Variants in EEF1B2 observed in about 807,000 individuals in gnomAD.
EEF1B2 encodes the protein elongation factor 1-beta.
In EEF1B2, 12 loss-of-function variants were observed where a neutral mutation model predicts 28.3. The ratio of observed to expected loss-of-function variants is 0.42; its 90% CI spans 0.27 to 0.69. The LOEUF (loss-of-function observed/expected upper bound fraction) is 0.69, where lower values mean the gene tolerates loss of function less well. EEF1B2 is among the 30% of genes least tolerant of loss of function. EEF1B2 has a pLI of 0.22. For synonymous variants in EEF1B2, 83 were observed against 99.9 expected (o/e 0.83, Z 1.01); for missense variants, 234 against 272.6 (o/e 0.86, Z 1.00).
intron 2 of EEF1B2, 30 bp from the exon 3 acceptor site, chr2:206,161,316 A>C (rs770729369): frequency 1.6e-5 from 25 of 1,612,438 alleles, no homozygotes; most frequent in Middle Eastern, 1.9e-4. Flanking sequence ...ATACTAGCTC[A>C]ATAGTGGTTG....
chr2:206,161,402 C>A lies in EEF1B2; in HGVS notation c.260C>A (p.Thr87Asn), dbSNP rs11546379. 6.2e-7 allele frequency: 1 copy of A among 1,614,122 alleles called. No individual in the cohort carries two copies. The highest frequency in any genetic ancestry group is 1.7e-5 in the Admixed American group (1 of 60,014). ...GKYGPADVED[T>N]TGSGATDSKD... ...TATGGTCCTGCCGATGTGGAAGACA[C>A]TACAGGAAGTGGAGCTACAGATAGT... The change falls in exon 3 of 6, where the codon ACT becomes AAT. Residue 87 changes from threonine to asparagine, a missense_variant. This residue lies in a region of EEF1B2 where 178 missense variants were observed against 173.3 expected (regional missense o/e 1.03). Coordinates refer to ENST00000392222, the MANE Select transcript of EEF1B2 (RefSeq NM_001959.4).
intron 3 of EEF1B2, chr2:206,161,764 G>C: frequency 2.1e-6 from 1 of 481,402 alleles, no homozygotes; most frequent in Non-Finnish European, 3.6e-6. Context: ...GCGAGACTCC[G>C]TCCCAAAAAA....
At chr2:206,161,793 G>A (rs1687941984) in intron 3 of EEF1B2, 3 of 649,028 alleles carry the variant, frequency 4.6e-6, no homozygotes, top group Admixed American at 2.2e-5. Context: ...AGAATACATC[G>A]ATCAGCAATT....
rs191829310 is a variant in EEF1B2, at chr2:206,162,617, G to A, written c.523+3G>A. 1 of 1,602,662 alleles carries A rather than the reference G, an allele frequency of 6.2e-7. No homozygotes were observed. The highest frequency in any genetic ancestry group is 2.2e-5 in the East Asian group (1 of 44,838). On this transcript the variant is annotated splice_donor_region_variant and intron_variant, in intron 5 of 5. Transcript: ENST00000392222. ...AGACGGCTTAGTCTGGGGCTCATGT[G>A]AGTTTAGGCTTTGCCTTTTTTTTTT... is the stretch of plus-strand genomic sequence containing the variant.
At chr2:206,161,318 T>C (rs1687921954) in intron 2 of EEF1B2, 28 bp from the exon 3 acceptor site, 18 of 1,612,446 alleles carry the variant, frequency 1.1e-5, no homozygotes, top group Non-Finnish European at 1.5e-5. Context: ...ACTAGCTCAA[T>C]AGTGGTTGAA....
At chr2:206,159,884 T>C (rs1304711619), upstream of EEF1B2, 13 of 1,410,226 alleles carry the variant, frequency 9.2e-6, no homozygotes, top group South Asian at 1.3e-4. Flanking sequence ...AATTTTCCGG[T>C]CTCTTCGGGT....
chr2:206,159,733 C>T (rs1576011915), upstream of EEF1B2: 2 of 416,590 alleles, frequency 4.8e-6, no homozygotes, highest in South Asian at 1.0e-4. Context: ...CCAAACGCAA[C>T]GAAAGGTCCA....
In EEF1B2 at chr2:206,159,910, C is replaced by A. The variant is rs1687850561; in HGVS notation, c.-70C>A. The A allele has an allele frequency of 2.5e-6, 4 of 1,568,640 alleles. No homozygotes were observed. Among genetic ancestry groups the A allele is most frequent in the Non-Finnish European group, 3.5e-6 (4 of 1,155,714 alleles). On this transcript the variant is annotated 5_prime_UTR_variant, in exon 1 of 6. Coordinates refer to ENST00000392222, the MANE Select transcript of EEF1B2 (RefSeq NM_001959.4). Reference sequence around the variant, plus strand: ...CTCTTCGGGTCCTTTTTCCTCTCTTCAGCGTGGGGCGCCCACAATTTGCGC... The same window carrying A: ...CTCTTCGGGTCCTTTTTCCTCTCTTAAGCGTGGGGCGCCCACAATTTGCGC...
chr2:206,162,453 A>G, intron 4 of EEF1B2, 36 bp from the exon 5 acceptor site: 1 of 1,609,838 alleles, frequency 6.2e-7, no homozygotes, highest in Non-Finnish European at 8.5e-7. Context: ...AAAAAATACA[A>G]TTCATTATTT....
chr2:206,159,933 C>T lies in EEF1B2; in HGVS notation c.-47C>T, dbSNP rs535986547. On this transcript the variant is annotated 5_prime_UTR_variant, in exon 1 of 6. Coordinates refer to ENST00000392222, the MANE Select transcript of EEF1B2 (RefSeq NM_001959.4). ...TTCAGCGTGGGGCGCCCACAATTTG[C>T]GCGCTCTCTTTCTGCTGCTCCCCAG... The T allele has an allele frequency of 5.6e-6, 9 of 1,593,020 alleles. 1 individual carries two copies. In the African/African-American group the frequency reaches 9.5e-5, roughly 17 times the overall value.
chr2:206,160,207 C>G, intron 1 of EEF1B2, 148 bp downstream of exon 1: 1 of 1,081,906 alleles, frequency 9.2e-7, no homozygotes, highest in Non-Finnish European at 1.3e-6. Context: ...CCGTTGCCGT[C>G]TCCCAAGGCC....
At chr2:206,161,783 A>T in intron 3 of EEF1B2, 3 of 623,722 alleles carry the variant, frequency 4.8e-6, no homozygotes, top group East Asian at 2.9e-5. Context: ...AAAAAAAAAA[A>T]GAATACATCG....
rs1004150430 is a variant in EEF1B2, at chr2:206,162,413, T to C, written c.398-76T>C. The stretch of plus-strand genomic sequence containing the variant: ...GAGATAGTCTCAAAACAAATTGAGA[T>C]GGATTTGTTTGTGTCTTGGAGTAGG... On this transcript the variant is annotated intron_variant, in intron 4 of 5. Coordinates refer to ENST00000392222, the MANE Select transcript of EEF1B2 (RefSeq NM_001959.4). 6.2e-6 allele frequency: 10 copies of C among 1,603,894 alleles called. No homozygotes were observed. In the African/African-American group the frequency reaches 9.4e-5, roughly 15 times the overall value.
upstream of EEF1B2, chr2:206,159,830 C>T (rs945819596): frequency 7.5e-6 from 6 of 794,868 alleles, no homozygotes; most frequent in Middle Eastern, 4.0e-4. Flanking sequence ...CTTTAACCTT[C>T]GGTCCGGCGC....
rs1056996351 is a variant in EEF1B2, at chr2:206,162,692, CTT to C, written c.524-34_524-33del. On this transcript the variant is annotated intron_variant, in intron 5 of 5. Transcript: ENST00000392222. ...TACAGTTTCAACCTTTCCTACAAGA[CTT>C]TTCTAACTAGGATTTTTCTTAATGC... 20 of 1,610,942 alleles carry C rather than the reference CTT, an allele frequency of 1.2e-5. No homozygotes were observed. The African/African-American group carries it at 2.4e-4, about 19-fold the overall frequency.
Position 206,160,656 on chromosome 2 carries a change from G to A in EEF1B2, c.149G>A (p.Cys50Tyr). 6.2e-7 allele frequency: 1 copy of A among 1,614,098 alleles called. No homozygotes were observed. ...AVSSPPPADL[C>Y]HALRWYNHIK... Reference sequence around the variant, plus strand: ...TCCAGCCCACCGCCTGCCGACTTGTGTCATGCCCTACGTTGGTATAATCAC... The same window carrying A: ...TCCAGCCCACCGCCTGCCGACTTGTATCATGCCCTACGTTGGTATAATCAC... The change falls in exon 2 of 6, where the codon TGT (cysteine) becomes TAT (tyrosine). Residue 50 changes from cysteine to tyrosine, a missense_variant. Physicochemically the swap from Cys to Tyr is radical, Grantham distance 194. Coordinates refer to ENST00000392222, the MANE Select transcript of EEF1B2 (RefSeq NM_001959.4).
chr2:206,161,899 T>C (rs1017746287), intron 3 of EEF1B2, 139 bp from the exon 4 acceptor site: 10 of 802,144 alleles, frequency 1.2e-5, no homozygotes, highest in Middle Eastern at 2.2e-4. Flanking sequence ...ATGAATAAAA[T>C]CAAATCACCA....
exon 1 of EEF1B2, chr2:206,159,893 GTCCTTTTTC>G: frequency 6.8e-7 from 1 of 1,481,088 alleles, no homozygotes; most frequent in Admixed American, 2.1e-5. Flanking sequence ...GTCTCTTCGG[GTCCTTTTTC>G]CTCTCTTCAG....
chr2:206,162,412 A>T, intron 4 of EEF1B2, 77 bp from the exon 5 acceptor site: 1 of 1,601,194 alleles, frequency 6.2e-7, no homozygotes, highest in East Asian at 2.2e-5. Flanking sequence ...ACAAATTGAG[A>T]TGGATTTGTT....
Sources: gnomAD v4.1 joint callset for allele counts on GRCh38, gnomAD v4.1.1 for gene constraint, gnomAD v4.1.1 regional missense constraint, MANE v1.5 for transcripts, NCBI Gene and HGNC (gene_info 2026-07-23, HGNC 2026-07-21) for gene names.